Variants in LAMA2 observed in about 807,000 individuals in gnomAD.
The protein encoded by LAMA2 is laminin subunit alpha 2, also known as laminin subunit alpha-2.
LAMA2 carries 269 observed loss-of-function variants against 364.8 expected under a neutral mutation model. The ratio of observed to expected loss-of-function variants is 0.74; its 90% confidence interval spans 0.67 to 0.82. The LOEUF (loss-of-function observed/expected upper bound fraction) is 0.82, where lower values mean the gene tolerates loss of function less well. Among genes scored for constraint, LAMA2 ranks in the 40% least tolerant of loss-of-function variants. The probability of loss-of-function intolerance (pLI) is 0.00; values close to 1 mark genes in which losing one functional copy is unlikely to be tolerated. For synonymous variants in LAMA2, 1,379 were observed against 1,370.6 expected (o/e 1.01, Z -0.14); for missense variants, 3,807 against 3,873.2 (o/e 0.98, Z 0.45).
chr6:129,455,467 C>G (rs1782911867), intron 47 of LAMA2, among the ~76,000 whole-genome samples: 1 of 152,036 alleles, frequency 6.6e-6, no homozygotes, highest in Admixed American at 6.6e-5. Context: ...GAAGGTGAAC[C>G]TTATTTGATA....
At chr6:129,061,785 C>A (rs572236815) in intron 3 of LAMA2, among the ~76,000 whole-genome samples, 48 of 152,312 alleles carry the variant, frequency 3.2e-4, no homozygotes, top group African/African-American at 1.2e-3. Flanking sequence ...CCAGGTCTAC[C>A]TGACTCCAAA....
At chr6:128,936,831 T>C (rs1377826532) in intron 1 of LAMA2, among the ~76,000 whole-genome samples, 2 of 152,200 alleles carry the variant, frequency 1.3e-5, no homozygotes, top group Admixed American at 6.5e-5. Flanking sequence ...GATTTTCTGA[T>C]GATGCATCAG....
intron 1 of LAMA2, among the ~76,000 whole-genome samples, chr6:128,893,784 A>G (rs1282552892): frequency 6.6e-6 from 1 of 152,038 alleles, no homozygotes; most frequent in Non-Finnish European, 1.5e-5. Flanking sequence ...ATGTTTACTA[A>G]TTAATTTAAA....
intron 4 of LAMA2, among the ~76,000 whole-genome samples, chr6:129,099,318 T>A (rs1775381934): frequency 6.6e-6 from 1 of 151,954 alleles, no homozygotes; most frequent in African/African-American, 2.4e-5. Context: ...AAGTACTCTG[T>A]GCTATTTTTA....
At chr6:128,929,331 A>G (rs1320853952) in intron 1 of LAMA2, 2 of 1,162,960 alleles carry the variant, frequency 1.7e-6, no homozygotes, top group Non-Finnish European at 2.6e-6. Context: ...AGCCAAGTAC[A>G]CGGCCCAAAG....
At chr6:129,185,586 A>G (rs993690347) in intron 10 of LAMA2, among the ~76,000 whole-genome samples, 1 of 151,810 alleles carries the variant, frequency 6.6e-6, no homozygotes, top group Non-Finnish European at 1.5e-5. Context: ...TGTAAAGGCA[A>G]ACATTCACAT....
At position 129,440,919 on chromosome 6, in the gene LAMA2, T is replaced by C. The variant is rs2114765675; in HGVS notation, c.6189T>C (p.Asp2063=). 6.2e-7 allele frequency: 1 copy of C among 1,613,976 alleles called. No homozygotes were observed. Among genetic ancestry groups the C allele is most frequent in the Non-Finnish European group, 8.5e-7 (1 of 1,179,898 alleles). ...AQITELHQNL[D]GLKKNYNKLA... Reference sequence around the variant, plus strand: ...TTACAGAGCTCCACCAGAACCTCGATGGCCTGAAGAAGAATTACAATAAAC... The same window carrying C: ...TTACAGAGCTCCACCAGAACCTCGACGGCCTGAAGAAGAATTACAATAAAC... The change falls in exon 43 of 65, where the codon GAT becomes GAC. Residue 2063 remains aspartate, a synonymous_variant. Coordinates refer to ENST00000421865, the MANE Select transcript of LAMA2 (RefSeq NM_000426.4).
Position 129,475,414 on chromosome 6 carries a change from T to C in LAMA2, c.7451+13T>C. 1.3e-6 allele frequency: 2 copies of C among 1,574,076 alleles called. No individual in the cohort carries two copies. Among genetic ancestry groups the C allele is most frequent in the South Asian group, 2.3e-5 (2 of 88,440 alleles). On this transcript the variant is annotated intron_variant, in intron 53 of 64. Transcript: ENST00000421865. ...GTATGAAAGCAAGGTAAAATTTAAATTTATGCATGCCTTCTTCGAGTGCAT... is the reference window on the plus strand; with the variant it reads ...GTATGAAAGCAAGGTAAAATTTAAACTTATGCATGCCTTCTTCGAGTGCAT...
At chr6:128,980,018 G>C (rs193091974) in intron 1 of LAMA2, among the ~76,000 whole-genome samples, 14 of 152,240 alleles carry the variant, frequency 9.2e-5, no homozygotes, top group Non-Finnish European at 5.9e-5. Context: ...CAAAATCTTA[G>C]TGGTTGCAAA....
intron 1 of LAMA2, among the ~76,000 whole-genome samples, chr6:128,946,021 C>T (rs1057145839): frequency 6.6e-6 from 1 of 152,100 alleles, no homozygotes; most frequent in African/African-American, 2.4e-5. Flanking sequence ...TGTGAGAAGG[C>T]CACACAGCAA....
chr6:129,166,914 C>T (rs73773693), intron 9 of LAMA2, among the ~76,000 whole-genome samples: 4,289 of 152,136 alleles, frequency 0.028, 201 homozygotes, highest in African/African-American at 0.097. Context: ...ATTATATGGT[C>T]GTGCCATAAT....
intron 29 of LAMA2, among the ~76,000 whole-genome samples, chr6:129,336,972 C>T (rs1775992634): frequency 6.6e-6 from 1 of 152,148 alleles, no homozygotes; most frequent in Non-Finnish European, 1.5e-5. Flanking sequence ...CTATGAATTA[C>T]AGTTAACAAG....
intron 1 of LAMA2, among the ~76,000 whole-genome samples, chr6:128,921,710 T>TTTA (rs1562832074): frequency 2.7e-5 from 4 of 148,100 alleles, no homozygotes; most frequent in Admixed American, 6.6e-5. Context: ...TTTTTTTTTT[T>TTTA]TTTATTATTA....
intron 29 of LAMA2, among the ~76,000 whole-genome samples, chr6:129,338,290 T>C (rs546827303): frequency 6.6e-6 from 1 of 152,218 alleles, no homozygotes; most frequent in South Asian, 2.1e-4. Flanking sequence ...GAAGATCCCA[T>C]GTATTTTTGG....
In LAMA2 at chr6:129,383,130, A is replaced by G. The variant is rs1778790245; in HGVS notation, c.4968A>G (p.Lys1656=). ...CGAATTTGGATCATTAGGCTACCAA[A>G]GTGACAGCAGATGGCGAGCAGACCG... ...EMNELLTRAT[K]VTADGEQTGQ... is the part of the protein sequence containing the mutation. Residue 1656 remains lysine (K), a synonymous_variant, in exon 35 of 65, where the codon AAA becomes AAG. Coordinates refer to ENST00000421865, the MANE Select transcript of LAMA2 (RefSeq NM_000426.4). 6.2e-7 allele frequency: 1 copy of G among 1,613,394 alleles called. No homozygotes were observed. Among genetic ancestry groups the G allele is most frequent in the Non-Finnish European group, 8.5e-7 (1 of 1,179,680 alleles).
chr6:129,120,533 G>C (rs1026024691), intron 4 of LAMA2, among the ~76,000 whole-genome samples: 1 of 152,140 alleles, frequency 6.6e-6, no homozygotes, highest in Non-Finnish European at 1.5e-5. Flanking sequence ...TAAAAATCAA[G>C]AGTAAGAAGT....
intron 3 of LAMA2, among the ~76,000 whole-genome samples, chr6:129,075,636 C>G (rs1773585554): frequency 6.6e-6 from 1 of 152,032 alleles, no homozygotes; most frequent in Non-Finnish European, 1.5e-5. Context: ...CGGCATCACC[C>G]GAATTGATGG....
intron 1 of LAMA2, among the ~76,000 whole-genome samples, chr6:129,029,527 A>G (rs560990338): frequency 4.3e-4 from 66 of 152,124 alleles, no homozygotes; most frequent in African/African-American, 1.5e-3. Context: ...AACACTTTTT[A>G]AATGTCTAGA....
chr6:128,909,950 T>C (rs1777780533), intron 1 of LAMA2, among the ~76,000 whole-genome samples: 1 of 152,066 alleles, frequency 6.6e-6, no homozygotes, highest in Admixed American at 6.5e-5. Context: ...TCTTTAAGAA[T>C]GTTGAATATT....
Sources: allele counts gnomAD v4.1 joint callset (sites outside exome capture counted in the v4.1 genomes callset), GRCh38; gene constraint gnomAD v4.1.1; transcripts MANE v1.5; gene names NCBI Gene and HGNC (gene_info 2026-07-23, HGNC 2026-07-21).